Variants in PEX6 observed in about 807,000 individuals in gnomAD.
PEX6 encodes peroxisome biogenesis factor 6.
A neutral mutation model predicts 85.6 loss-of-function variants in PEX6; 55 were observed. The ratio of observed to expected loss-of-function variants is 0.64; its 90% CI spans 0.52 to 0.80. The LOEUF is 0.80. PEX6 is among the 30% of genes least tolerant of loss of function. The probability of loss-of-function intolerance (pLI) is 0.00; values close to 1 mark genes in which losing one functional copy is unlikely to be tolerated. For synonymous variants in PEX6, 519 were observed against 549.1 expected (o/e 0.95, Z 0.77); for missense variants, 1,099 against 1,260.3 (o/e 0.87, Z 1.94).
intron 6 of PEX6, 139 bp from the exon 7 acceptor site, chr6:42,968,637 C>A: frequency 2.5e-6 from 2 of 814,942 alleles, no homozygotes; most frequent in Admixed American, 2.2e-5. Context: ...CTGGCCAAGT[C>A]CTACCTCTTT....
intron 3 of PEX6, among the ~76,000 whole-genome samples, chr6:42,972,572 C>T (rs1485738587): frequency 6.6e-6 from 1 of 152,062 alleles, no homozygotes; most frequent in Admixed American, 6.5e-5. Context: ...AGATCGAGAC[C>T]ATCCTGGTTA....
chr6:42,965,743 A>T lies in PEX6; in HGVS notation c.2409T>A (p.Asp803Glu). ...RAAAPCIIFF[D>E]ELDSLAPSRG... Reference sequence around the variant, plus strand: ...GGCTTGGGGCCAAAGAGTCCAGTTCATCAAAGAAGATAATGCATGGAGCTG... The same window carrying T: ...GGCTTGGGGCCAAAGAGTCCAGTTCTTCAAAGAAGATAATGCATGGAGCTG... Residue 803 changes from aspartate (D) to glutamate (E), a missense_variant, in exon 13 of 17, where the codon GAT becomes GAA. Asp to Glu is a conservative substitution (Grantham distance 45, BLOSUM62 2). This residue lies in a region of PEX6 where 514 missense variants were observed against 627.0 expected (regional missense o/e 0.82). Coordinates refer to ENST00000304611, the MANE Select transcript of PEX6 (RefSeq NM_000287.4). The surrounding 1 kb of genome is among the most constrained non-coding windows in gnomAD (Gnocchi z 5.0). 6.2e-7 allele frequency: 1 copy of T among 1,614,050 alleles called. No homozygotes were observed. The highest frequency in any genetic ancestry group is 2.2e-5 in the East Asian group (1 of 44,872).
rs2114248435 is a variant in PEX6 at position 42,969,999 on chromosome 6, AG to A, written c.1131-13del. ...ACATTTCCCGCCACCTGCAGGAAAA[AG>A]GCCCAATGAACCCCAGATCCAGAGT... On this transcript the variant is annotated splice_polypyrimidine_tract_variant and intron_variant, in intron 3 of 16. Transcript: ENST00000304611. 7 of 1,608,500 alleles carry A rather than the reference AG, an allele frequency of 4.4e-6. No homozygotes were observed.
rs1303061971 is a variant in PEX6, at chr6:42,978,618, G to C, written c.533C>G (p.Pro178Arg). 2 of 1,598,808 alleles carry C rather than the reference G, an allele frequency of 1.3e-6. No individual in the cohort carries two copies. Among genetic ancestry groups the C allele is most frequent in the East Asian group, 2.3e-5 (1 of 44,234 alleles). The change falls in exon 1 of 17, where the codon CCC (proline) becomes CGC (arginine). Residue 178 changes from proline (P) to arginine (R), a missense_variant. Around this residue, in one of 3 missense-constraint regions of PEX6, gnomAD observed 579 missense variants for 611.6 expected, o/e 0.95. Transcript: ENST00000304611. The stretch of plus-strand genomic sequence containing the variant: ...CGCAAAGGAGGACACCACGGGCGGG[G>C]GTGGGGGCCGACTGCTGTCCCCAGA... The part of the protein sequence containing the change: ...PESGDSSRPP[P>R]PPVVSSFAVS...
chr6:42,963,896 T>C lies in PEX6; in HGVS notation c.*439A>G. 2 of 665,922 alleles carry C rather than the reference T, an allele frequency of 3.0e-6. No individual in the cohort carries two copies. The highest frequency in any genetic ancestry group is 5.4e-6 in the Non-Finnish European group (2 of 369,608). The allele number at this position is 665,922 out of a possible 1,614,324, so 41.3% of individuals were successfully genotyped here. A position where few individuals can be genotyped will look rare whatever the true frequency, so the allele number is the denominator to read the frequency against. ...AGTTCCTGCATGCATTGTGTTTATT[T>C]ATGTCAGAAGGATCAGGCTCCCATG... On this transcript the variant is annotated 3_prime_UTR_variant, in exon 17 of 17. Transcript: ENST00000304611.
rs901956712 is a variant in PEX6, at chr6:42,967,575, G to C, written c.1689-12C>G. 3.1e-6 allele frequency: 5 copies of C among 1,590,548 alleles called. No homozygotes were observed. Among genetic ancestry groups the C allele is most frequent in the African/African-American group, 1.3e-5 (1 of 74,554 alleles). On this transcript the variant is annotated splice_polypyrimidine_tract_variant and intron_variant, in intron 7 of 16. Transcript: ENST00000304611. ...TGAGGGGAGGGCAGCTGCAGACAGA[G>C]GAGTGGGCACTGAGGGTGAGAACAT...
chr6:42,964,914 T>C lies in PEX6; in HGVS notation c.2682A>G (p.Pro894=). The C allele has an allele frequency of 6.2e-7, 1 of 1,614,210 alleles. No homozygotes were observed. The highest frequency in any genetic ancestry group is 1.3e-5 in the African/African-American group (1 of 75,052). Residue 894 remains proline, a synonymous_variant, in exon 16 of 17, where the codon CCA becomes CCG. Transcript: ENST00000304611. This position sits in a 1 kb window ranked among gnomAD's most constrained non-coding sequence, Gnocchi z 4.6. ...CTAGCACGTTTACCAGGCTCACAGATGGCTCTAGCTTGAATCTGTTGTGGG... is the reference window on the plus strand; with the variant it reads ...CTAGCACGTTTACCAGGCTCACAGACGGCTCTAGCTTGAATCTGTTGTGGG... ...SAITRKFKLE[P]SVSLVNVLDC...
Position 42,963,953 on chromosome 6 carries a change from A to G in PEX6, c.*382T>C. ...ACCCCCCCACCCTCTCCCAGGGCTT[A>G]CTCCTCCCACAACCCTGCTCTTTCT... is the stretch of plus-strand genomic sequence containing the variant. On this transcript the variant is annotated 3_prime_UTR_variant, in exon 17 of 17. Coordinates refer to ENST00000304611, the MANE Select transcript of PEX6 (RefSeq NM_000287.4). 2.5e-6 allele frequency: 1 copy of G among 400,494 alleles called. No individual in the cohort carries two copies. The highest frequency in any genetic ancestry group is 4.4e-6 in the Non-Finnish European group (1 of 226,598). 24.8% of individuals were successfully genotyped at this position (400,494 alleles called of 1,614,324 possible). A position where few individuals can be genotyped will look rare whatever the true frequency, so the allele number is the denominator to read the frequency against.
rs200600289 is a variant in PEX6 at position 42,974,968 on chromosome 6, G to C, written c.953C>G (p.Ala318Gly). 1 of 1,613,712 alleles carries C rather than the reference G, an allele frequency of 6.2e-7. No homozygotes were observed. Among genetic ancestry groups the C allele is most frequent in the Non-Finnish European group, 8.5e-7 (1 of 1,179,742 alleles). The change falls in exon 2 of 17, where the codon GCC (alanine) becomes GGC (glycine). Residue 318 changes from alanine to glycine, a missense_variant. Coordinates refer to ENST00000304611, the MANE Select transcript of PEX6 (RefSeq NM_000287.4). ...CACAATTTCGATGTGTAACTCTCTGGCAAATGGAGGCCCAGGCAGCAATGA... is the reference window on the plus strand; with the variant it reads ...CACAATTTCGATGTGTAACTCTCTGCCAAATGGAGGCCCAGGCAGCAATGA... The part of the protein sequence containing the change: ...SCSLLPGPPF[A>G]RELHIEIVSS...
Position 42,968,946 on chromosome 6 carries a change from C to T in PEX6, c.1407G>A (p.Arg469=). 2 of 1,614,010 alleles carry T rather than the reference C, an allele frequency of 1.2e-6. No individual in the cohort carries two copies. Among genetic ancestry groups the T allele is most frequent in the South Asian group, 1.1e-5 (1 of 91,084 alleles). ...TGGTCTTCCCACAGCCTGGGGGGCC[C>T]CGTAGAAGGACACTGCTAGTTCCTG... ...LLTGTSSVLL[R]GPPGCGKTTV... is the part of the protein sequence containing the mutation. Residue 469 remains arginine, a synonymous_variant, in exon 6 of 17, where the codon CGG becomes CGA. Transcript: ENST00000304611.
Position 42,964,498 on chromosome 6 carries a change from T to C in PEX6, c.2807-27A>G. On this transcript the variant is annotated intron_variant, in intron 16 of 16. Transcript: ENST00000304611. The surrounding 1 kb of genome is among the most constrained non-coding windows in gnomAD (Gnocchi z 4.6). ...TGGAGATGACAAGGTGGGGAGGCTG[T>C]GGTCTATGCCCAGGCAGGGGAGAGC... The C allele has an allele frequency of 6.2e-7, 1 of 1,612,332 alleles. No homozygotes were observed.
chr6:42,964,100 A>G lies in PEX6; in HGVS notation c.*235T>C. ...CAAGGCCCTGGCCCTCTTCCTGAGT[A>G]GATGGGCCTTTCTCTTAGAGCCGGC... On this transcript the variant is annotated 3_prime_UTR_variant, in exon 17 of 17. Transcript: ENST00000304611. The surrounding 1 kb of genome is among the most constrained non-coding windows in gnomAD (Gnocchi z 4.6). The G allele has an allele frequency of 1.7e-6, 1 of 594,006 alleles. No individual in the cohort carries two copies. 36.8% of individuals were successfully genotyped at this position (594,006 alleles called of 1,614,324 possible).
Position 42,965,632 on chromosome 6 carries a change from T to C in PEX6, c.2471+49A>G, listed in dbSNP as rs372900304. ...GAAGACTGCTGTGAGCTTTCTCATA[T>C]CCTTCCCACCCTGGACCCCTCAGCT... On this transcript the variant is annotated intron_variant, in intron 13 of 16. Transcript: ENST00000304611. This position sits in a 1 kb window ranked among gnomAD's most constrained non-coding sequence, Gnocchi z 5.0. 16 of 1,316,718 alleles carry C rather than the reference T, an allele frequency of 1.2e-5. No individual in the cohort carries two copies. The African/African-American group carries it at 2.0e-4, about 17-fold the overall frequency. 81.6% of individuals were successfully genotyped at this position (1,316,718 alleles called of 1,614,324 possible). A position where few individuals can be genotyped will look rare whatever the true frequency, so the allele number is the denominator to read the frequency against.
chr6:42,970,005 A>G lies in PEX6; in HGVS notation c.1131-18T>C, dbSNP rs537952041. The stretch of plus-strand genomic sequence containing the variant: ...CCCGCCACCTGCAGGAAAAAGGCCC[A>G]ATGAACCCCAGATCCAGAGTCCAAA... On this transcript the variant is annotated intron_variant, in intron 3 of 16. Transcript: ENST00000304611. The G allele has an allele frequency of 6.4e-5, 102 of 1,602,504 alleles. No homozygotes were observed. In the South Asian group the frequency reaches 9.5e-4, roughly 15 times the overall value.
rs1317203823 is a variant in PEX6, at chr6:42,965,702, T to C, written c.2450A>G (p.Asp817Gly). ...CTACCTGTCCATCACTCCTCCAGAA[T>C]CTCCACTTCGCCCCCGGCTTGGGGC... Reference protein sequence around the residue: ...SLAPSRGRSGDSGGVMDRVVS... With the variant: ...SLAPSRGRSGGSGGVMDRVVS... Residue 817 changes from aspartate to glycine, a missense_variant, in exon 13 of 17, where the codon GAT (aspartate) becomes GGT (glycine). This residue lies in a region of PEX6 where 514 missense variants were observed against 627.0 expected (regional missense o/e 0.82). Coordinates refer to ENST00000304611, the MANE Select transcript of PEX6 (RefSeq NM_000287.4). The surrounding 1 kb of genome is among the most constrained non-coding windows in gnomAD (Gnocchi z 5.0). 2 of 1,613,724 alleles carry C rather than the reference T, an allele frequency of 1.2e-6. No homozygotes were observed. Among genetic ancestry groups the C allele is most frequent in the Non-Finnish European group, 1.7e-6 (2 of 1,179,710 alleles).
chr6:42,965,756 A>G lies in PEX6; in HGVS notation c.2396T>C (p.Ile799Thr). 6.2e-7 allele frequency: 1 copy of G among 1,614,114 alleles called. No individual in the cohort carries two copies. Among genetic ancestry groups the G allele is most frequent in the Non-Finnish European group, 8.5e-7 (1 of 1,180,008 alleles). The change falls in exon 13 of 17, where the codon ATT becomes ACT. Residue 799 changes from isoleucine to threonine, a missense_variant. Around this residue, in one of 3 missense-constraint regions of PEX6, gnomAD observed 514 missense variants for 627.0 expected, o/e 0.82. Coordinates refer to ENST00000304611, the MANE Select transcript of PEX6 (RefSeq NM_000287.4). The surrounding 1 kb of genome is among the most constrained non-coding windows in gnomAD (Gnocchi z 5.0). ...AGAGTCCAGTTCATCAAAGAAGATA[A>G]TGCATGGAGCTGCAGCCCTGGCCCT... is the stretch of plus-strand genomic sequence containing the variant. ...FARARAAAPC[I>T]IFFDELDSLA...
At position 42,967,459 on chromosome 6, in the gene PEX6, T is replaced by C; in HGVS notation, c.1793A>G (p.Glu598Gly). The C allele has an allele frequency of 5.0e-6, 8 of 1,612,436 alleles. No individual in the cohort carries two copies. The highest frequency in any genetic ancestry group is 6.8e-6 in the Non-Finnish European group (8 of 1,179,540). Residue 598 changes from glutamate (E) to glycine (G), a missense_variant, in exon 8 of 17, where the codon GAG becomes GGG. Physicochemically the swap from Glu to Gly is moderately conservative, Grantham distance 98. Transcript: ENST00000304611. ...PHELEVPALSEGQRLSILRAL... is the reference protein window; with the variant it reads ...PHELEVPALSGGQRLSILRAL... ...CCGCAGGATGCTGAGCCGCTGCCCC[T>C]CTGACAGAGCAGGCACCTCGAGCTC...
In PEX6 at chr6:42,969,911, C is replaced by T. The variant is rs535326039; in HGVS notation, c.1207G>A (p.Asp403Asn). ...ATGTACAAGGAGGTATGGGTGGTGT[C>T]GGCCAAGTAGGCACTGGCTGGTCCA... ...PDGPASAYLA[D>N]TTHTSLYMVG... The change falls in exon 4 of 17, where the codon GAC becomes AAC. Residue 403 changes from aspartate to asparagine, a missense_variant. Physicochemically the swap from Asp to Asn is conservative, Grantham distance 23. Coordinates refer to ENST00000304611, the MANE Select transcript of PEX6 (RefSeq NM_000287.4). 251 of 1,614,186 alleles carry T rather than the reference C, an allele frequency of 1.6e-4. 3 individuals are homozygous for T. In the South Asian group the frequency reaches 2.3e-3, roughly 15 times the overall value.
chr6:42,974,813 T>G, intron 2 of PEX6, 62 bp downstream of exon 2: 1 of 1,477,592 alleles, frequency 6.8e-7, no homozygotes. Context: ...TTCTAAGGCA[T>G]GGGATAGGAG....
Sources: gnomAD v4.1 joint callset for allele counts (sites outside exome capture counted in the v4.1 genomes callset) on GRCh38, gnomAD v4.1.1 for gene constraint, gnomAD v4.1.1 regional missense constraint, Gnocchi (gnomAD v3.1) non-coding constraint, MANE v1.5 for transcripts, NCBI Gene and HGNC (gene_info 2026-07-23, HGNC 2026-07-21) for gene names.